Variants in PCLO observed in about 807,000 individuals in gnomAD.
The protein encoded by PCLO is piccolo presynaptic cytomatrix protein.
A neutral mutation model predicts 427.5 loss-of-function variants in PCLO; 82 were observed. The ratio of observed to expected loss-of-function variants is 0.19; its 90% CI spans 0.16 to 0.23. PCLO has a LOEUF of 0.23. Ranked by LOEUF, PCLO falls within the 10% of genes least tolerant of loss-of-function variation. The pLI is 1.00. For missense variants in PCLO, 6,239 were observed against 6,115.9 expected (o/e 1.02, Z -0.67); for synonymous variants, 2,357 against 2,155.4 (o/e 1.09, Z -2.59).
chr7:83,128,736 T>C (rs1231083927), intron 3 of PCLO, among the ~76,000 whole-genome samples: 1 of 152,166 alleles, frequency 6.6e-6, no homozygotes, highest in East Asian at 1.9e-4. Flanking sequence ...CAGTATTTCT[T>C]GCAACTGGAA....
chr7:82,826,608 G>A lies in PCLO; in HGVS notation c.14396C>T (p.Ser4799Phe), dbSNP rs373659049. ...VTVWDYDRFS[S>F]NDFLGEVLID... ...GCTTACCTCCCCAAGGAAGTCGTTG[G>A]ATGAAAATCTATCATAATCCCAAAC... Residue 4799 changes from serine (S) to phenylalanine (F), a missense_variant, in exon 18 of 25, where the codon TCC becomes TTC. Coordinates refer to ENST00000333891, the MANE Select transcript of PCLO (RefSeq NM_033026.6). The A allele has an allele frequency of 6.2e-7, 1 of 1,606,344 alleles. No homozygotes were observed. Among genetic ancestry groups the A allele is most frequent in the Non-Finnish European group, 8.5e-7 (1 of 1,175,258 alleles).
intron 3 of PCLO, among the ~76,000 whole-genome samples, chr7:82,982,392 C>T (rs147023017): frequency 4.6e-5 from 7 of 152,090 alleles, no homozygotes; most frequent in African/African-American, 1.2e-4. Context: ...GTTAACCAGT[C>T]AAAGCAGAGC....
At chr7:82,832,650 A>G (rs1792124002) in intron 16 of PCLO, among the ~76,000 whole-genome samples, 1 of 152,126 alleles carries the variant, frequency 6.6e-6, no homozygotes, top group African/African-American at 2.4e-5. Flanking sequence ...AACAGTTTCC[A>G]TGTACATATT....
chr7:83,066,341 A>G (rs531302712), intron 3 of PCLO, among the ~76,000 whole-genome samples: 1 of 152,136 alleles, frequency 6.6e-6, no homozygotes, highest in African/African-American at 2.4e-5. Context: ...TGGTATGTCT[A>G]TCCATACCAT....
chr7:83,139,977 G>A (rs1791822664), intron 2 of PCLO, among the ~76,000 whole-genome samples: 1 of 151,776 alleles, frequency 6.6e-6, no homozygotes, highest in Non-Finnish European at 1.5e-5. Flanking sequence ...CTGACAAAAA[G>A]ACAAAAGAAA....
chr7:82,776,683 T>C (rs984829351), intron 22 of PCLO, among the ~76,000 whole-genome samples: 1 of 152,056 alleles, frequency 6.6e-6, no homozygotes, highest in Non-Finnish European at 1.5e-5. Flanking sequence ...TAATCCCAGC[T>C]ACTCAGGAGG....
At chr7:82,853,573 A>G (rs901695026) in intron 10 of PCLO, among the ~76,000 whole-genome samples, 2 of 152,210 alleles carry the variant, frequency 1.3e-5, no homozygotes, top group Non-Finnish European at 2.9e-5. Flanking sequence ...GCTTTCAAAT[A>G]GAGCTCTGTG....
chr7:83,091,706 GAGAA>G (rs1050743105), intron 3 of PCLO, among the ~76,000 whole-genome samples: 1 of 152,098 alleles, frequency 6.6e-6, no homozygotes, highest in Non-Finnish European at 1.5e-5. Flanking sequence ...TTTGCATTTT[GAGAA>G]AGAAGGCCAG....
At chr7:83,012,213 C>A (rs1406161391) in intron 3 of PCLO, among the ~76,000 whole-genome samples, 1 of 152,000 alleles carries the variant, frequency 6.6e-6, no homozygotes, top group Non-Finnish European at 1.5e-5. Flanking sequence ...GTGGTGTGAA[C>A]TATTGTAAAC....
intron 9 of PCLO, among the ~76,000 whole-genome samples, chr7:82,897,355 C>G (rs1465893030): frequency 2.6e-5 from 4 of 151,386 alleles, no homozygotes; most frequent in Non-Finnish European, 5.9e-5. Flanking sequence ...TTAAAGTTAA[C>G]AGGTTAAAAG....
chr7:82,945,217 A>G (rs1253843820), intron 6 of PCLO, among the ~76,000 whole-genome samples: 3 of 152,212 alleles, frequency 2.0e-5, no homozygotes, highest in Non-Finnish European at 4.4e-5. Context: ...TTGTAAGAGT[A>G]AGTAGGCTGC....
In PCLO at chr7:83,033,850, C is replaced by T. The variant is rs115843701; in HGVS notation, c.3301-67363G>A. 9.1e-3 allele frequency among the ~76,000 whole-genome samples: 1,381 copies of T among 152,234 alleles called. 31 individuals are homozygous for T. Among genetic ancestry groups the T allele is most frequent in the African/African-American group, 0.03 (1,250 of 41,540 alleles). The stretch of plus-strand genomic sequence containing the variant: ...TTCCCAAGACTTGACTGCTACAATG[C>T]TATTGCTCACCCAGGCTATTGTTAA... On this transcript the variant is annotated intron_variant, in intron 3 of 24. Coordinates refer to ENST00000333891, the MANE Select transcript of PCLO (RefSeq NM_033026.6).
intron 7 of PCLO, 103 bp from the exon 8 acceptor site, chr7:82,909,116 C>A: frequency 1.9e-6 from 2 of 1,068,084 alleles, no homozygotes; most frequent in South Asian, 1.6e-5. Flanking sequence ...GCTTGTTAAC[C>A]ATACATGCAT....
chr7:82,915,926 G>A lies in PCLO; in HGVS notation c.12060C>T (p.Ser4020=), dbSNP rs758644920. 2 of 1,613,210 alleles carry A rather than the reference G, an allele frequency of 1.2e-6. No individual in the cohort carries two copies. The highest frequency in any genetic ancestry group is 1.1e-5 in the South Asian group (1 of 91,084). The change falls in exon 7 of 25, where the codon AGC becomes AGT. Residue 4020 remains serine, a synonymous_variant. Coordinates refer to ENST00000333891, the MANE Select transcript of PCLO (RefSeq NM_033026.6). ...TGCTTGATATTGGACTGCTTGCCAT[G>A]CTACTTCTTTCCTCCAAACCTATTC... ...DLRIGLEERS[S]MASSPISSIS...
At chr7:83,061,952 A>G (rs1034477127) in intron 3 of PCLO, among the ~76,000 whole-genome samples, 15 of 152,152 alleles carry the variant, frequency 9.9e-5, no homozygotes, top group Non-Finnish European at 5.9e-5. Context: ...TAGGATTTTT[A>G]ATTTGATAGC....
chr7:83,140,631 T>C (rs569610079), intron 2 of PCLO, among the ~76,000 whole-genome samples: 14 of 152,216 alleles, frequency 9.2e-5, no homozygotes, highest in Non-Finnish European at 2.1e-4. Flanking sequence ...GTGTTTACTG[T>C]GAATCTCCCA....
Position 82,916,523 on chromosome 7 carries a change from T to A in PCLO, c.11463A>T (p.Arg3821=), listed in dbSNP as rs748409468. The A allele has an allele frequency of 6.2e-7, 1 of 1,613,720 alleles. No individual in the cohort carries two copies. Among genetic ancestry groups the A allele is most frequent in the Non-Finnish European group, 8.5e-7 (1 of 1,179,748 alleles). Reference sequence around the variant, plus strand: ...CCTCAGCTACTCCCTGGAGGTAGGCTCGTTCTCTCTTTTCTCTCTCCTTTA... The same window carrying A: ...CCTCAGCTACTCCCTGGAGGTAGGCACGTTCTCTCTTTTCTCTCTCCTTTA... ...ALLKEREKRE[R]AYLQGVAEDR... is the part of the protein sequence containing the mutation. The change falls in exon 7 of 25, where the codon CGA becomes CGT. Residue 3821 remains arginine (R), a synonymous_variant. Coordinates refer to ENST00000333891, the MANE Select transcript of PCLO (RefSeq NM_033026.6).
At chr7:82,865,011 T>G (rs1793058218) in intron 10 of PCLO, among the ~76,000 whole-genome samples, 1 of 152,178 alleles carries the variant, frequency 6.6e-6, no homozygotes, top group Non-Finnish European at 1.5e-5. Context: ...AGAGATTTTA[T>G]TCACCTTTGT....
chr7:82,912,983 C>G lies in PCLO; in HGVS notation c.13300+1703G>C, dbSNP rs990082660. On this transcript the variant is annotated intron_variant, in intron 7 of 24. Coordinates refer to ENST00000333891, the MANE Select transcript of PCLO (RefSeq NM_033026.6). ...ACATGACTATTGGATAAACTCTTTA[C>G]TCTTCTGCAATTGTCATTTTCTATC... Among the ~76,000 whole-genome samples, 43 of 152,078 alleles carry G rather than the reference C, an allele frequency of 2.8e-4. 1 individual carries two copies. The highest frequency in any genetic ancestry group is 1.8e-3 in the Admixed American group (28 of 15,264).
Sources: gnomAD v4.1 joint callset for allele counts (sites outside exome capture counted in the v4.1 genomes callset) on GRCh38, gnomAD v4.1.1 for gene constraint, MANE v1.5 for transcripts, NCBI Gene and HGNC (gene_info 2026-07-23, HGNC 2026-07-21) for gene names.